The following CEP83 variants were observed in gnomAD, a reference collection of about 807,000 sequenced individuals.
The protein encoded by CEP83 is centrosomal protein of 83 kDa.
CEP83 carries 70 observed loss-of-function variants against 101.9 expected under a neutral mutation model. That is an observed-to-expected ratio of 0.69 (90% CI 0.57 to 0.84). The LOEUF (loss-of-function observed/expected upper bound fraction) is 0.84. CEP83 is among the 40% of genes least tolerant of loss of function. The probability of loss-of-function intolerance (pLI) is 0.00; values close to 1 mark genes in which losing one functional copy is unlikely to be tolerated. For missense variants in CEP83, 715 were observed against 787.2 expected (o/e 0.91, Z 1.10); for synonymous variants, 264 against 267.9 (o/e 0.99, Z 0.14).
rs149856098 is a variant in CEP83, at chr12:94,412,375, C to T, written c.116G>A (p.Arg39Lys). 34 of 1,613,226 alleles carry T rather than the reference C, an allele frequency of 2.1e-5. No individual in the cohort carries two copies. The highest frequency in any genetic ancestry group is 5.3e-5 in the African/African-American group (4 of 74,996). The change falls in exon 3 of 17, where the codon AGG (arginine) becomes AAG (lysine). Residue 39 changes from arginine (R) to lysine (K), a missense_variant. Transcript: ENST00000397809. ...AGCTTTATGATGCTCACATCGTAAC[C>T]TTTCATCAATTAACATTTTCTGGAA... ...SEFQKMLIDE[R>K]LRCEHHKANY... is the part of the protein sequence containing the mutation.
intron 4 of CEP83, among the ~76,000 whole-genome samples, chr12:94,403,929 A>T (rs1263970312): frequency 6.6e-6 from 1 of 152,126 alleles, no homozygotes; most frequent in Non-Finnish European, 1.5e-5. Flanking sequence ...TAATTTCTAT[A>T]AAAATGATAA....
intron 11 of CEP83, among the ~76,000 whole-genome samples, chr12:94,364,545 G>A (rs1160460876): frequency 6.6e-6 from 1 of 152,032 alleles, no homozygotes; most frequent in Non-Finnish European, 1.5e-5. Flanking sequence ...CAGGAGGATT[G>A]CTTGAGCTCA....
chr12:94,343,175 G>A (rs1290613748), intron 11 of CEP83, among the ~76,000 whole-genome samples: 7 of 151,252 alleles, frequency 4.6e-5, no homozygotes, highest in South Asian at 4.2e-4. Context: ...ATGTGTTTAC[G>A]TAACACAATA....
intron 2 of CEP83, among the ~76,000 whole-genome samples, chr12:94,414,807 GA>G (rs1312384402): frequency 6.6e-6 from 1 of 152,044 alleles, no homozygotes. Context: ...TTATTCTGTG[GA>G]AAAAATACAT....
intron 6 of CEP83, among the ~76,000 whole-genome samples, chr12:94,390,717 C>A (rs564431534): frequency 6.6e-6 from 1 of 152,096 alleles, no homozygotes; most frequent in Non-Finnish European, 1.5e-5. Context: ...CGCAAGGAAG[C>A]TAAGAACCTT....
downstream of CEP83, among the ~76,000 whole-genome samples, chr12:94,302,146 T>C (rs1330780153): frequency 3.9e-5 from 6 of 152,168 alleles, no homozygotes; most frequent in Non-Finnish European, 8.8e-5. Context: ...TATTTCCCAT[T>C]ACCTACCAGC....
the CEP83 span, among the ~76,000 whole-genome samples, chr12:94,266,593 G>T: frequency 2.8e-4 from 43 of 152,294 alleles, no homozygotes; most frequent in African/African-American, 9.4e-4. Context: ...ACAACTGTTG[G>T]TAGAGTGGTT....
Position 94,335,599 on chromosome 12 carries a change from T to C in CEP83, c.1409A>G (p.Asp470Gly). The change falls in exon 12 of 17, where the codon GAC becomes GGC. Residue 470 changes from aspartate (D) to glycine (G), a missense_variant. Asp to Gly is a moderately conservative substitution (Grantham distance 94). Coordinates refer to ENST00000397809, the MANE Select transcript of CEP83 (RefSeq NM_016122.3). ...TCGCTAAAATCATACCTGTTTTAGG[T>C]CAGAATTTTCATTTTTTTCCTTCTC... ...NAEKEKNENS[D>G]LKQQISSLQI... 6.4e-7 allele frequency: 1 copy of C among 1,570,152 alleles called. No individual in the cohort carries two copies. Among genetic ancestry groups the C allele is most frequent in the Admixed American group, 1.8e-5 (1 of 55,792 alleles).
At chr12:94,382,083 G>C (rs941970101) in intron 6 of CEP83, among the ~76,000 whole-genome samples, 1 of 152,032 alleles carries the variant, frequency 6.6e-6, no homozygotes, top group Admixed American at 6.6e-5. Flanking sequence ...TAAATGAGTT[G>C]TGGTCGTTTG....
chr12:94,355,706 G>T (rs566763222), intron 11 of CEP83, among the ~76,000 whole-genome samples: 1 of 152,198 alleles, frequency 6.6e-6, no homozygotes, highest in Non-Finnish European at 1.5e-5. Flanking sequence ...AAGGTTGTGG[G>T]TTTACAGGAA....
chr12:94,456,075 G>C (rs2067657263), intron 1 of CEP83, among the ~76,000 whole-genome samples: 1 of 151,288 alleles, frequency 6.6e-6, no homozygotes, highest in Non-Finnish European at 1.5e-5. Flanking sequence ...AAAAGAAATA[G>C]TACTAGACTT....
chr12:94,334,424 T>C (rs2136527555), intron 12 of CEP83, among the ~76,000 whole-genome samples: 1 of 152,262 alleles, frequency 6.6e-6, no homozygotes, highest in African/African-American at 2.4e-5. Flanking sequence ...CAAATCTCTT[T>C]ATTTGGGACA....
At chr12:94,423,347 G>A (rs1378164027) in intron 2 of CEP83, among the ~76,000 whole-genome samples, 1 of 151,878 alleles carries the variant, frequency 6.6e-6, no homozygotes, top group African/African-American at 2.4e-5. Flanking sequence ...GCCTCCCAAA[G>A]TACTGGGATT....
intron 6 of CEP83, among the ~76,000 whole-genome samples, chr12:94,383,629 C>A (rs1194762303): frequency 1.3e-5 from 2 of 152,000 alleles, no homozygotes; most frequent in African/African-American, 4.8e-5. Flanking sequence ...GTATTCAGAC[C>A]ATTTACATTT....
chr12:94,417,501 C>G (rs2064370301), intron 2 of CEP83, among the ~76,000 whole-genome samples: 2 of 152,180 alleles, frequency 1.3e-5, no homozygotes, highest in Admixed American at 6.5e-5. Flanking sequence ...TAGAGAACCA[C>G]TGGTCGGCCA....
chr12:94,344,998 TAG>T (rs534991252), intron 11 of CEP83, among the ~76,000 whole-genome samples: 121 of 151,994 alleles, frequency 8.0e-4, no homozygotes, highest in Admixed American at 2.6e-3. Context: ...AGTCCAGAAA[TAG>T]ACTCACACCT....
chr12:94,310,004 G>C lies in CEP83; in HGVS notation c.1915C>G (p.Pro639Ala), dbSNP rs112877562. ...FRSLILVPNM[P>A]PTASINPVSF... ...ACAGGATTGATAGATGCTGTTGGAG[G>C]CATGTTAGGAACCAAAATTAGACTT... is the stretch of plus-strand genomic sequence containing the variant. Residue 639 changes from proline (P) to alanine (A), a missense_variant, in exon 16 of 17, where the codon CCT becomes GCT. Pro to Ala is a conservative substitution (Grantham distance 27). Transcript: ENST00000397809. 1 of 1,612,278 alleles carries C rather than the reference G, an allele frequency of 6.2e-7. No homozygotes were observed. The highest frequency in any genetic ancestry group is 2.2e-5 in the East Asian group (1 of 44,814).
chr12:94,455,299 A>G (rs1328123286), intron 1 of CEP83, among the ~76,000 whole-genome samples: 1 of 152,224 alleles, frequency 6.6e-6, no homozygotes, highest in Non-Finnish European at 1.5e-5. Flanking sequence ...GAGGCTGAAT[A>G]TGAACATCAG....
At chr12:94,424,582 T>C (rs2065036033) in intron 2 of CEP83, 1 of 1,613,576 alleles carries the variant, frequency 6.2e-7, no homozygotes, top group Non-Finnish European at 8.5e-7. Context: ...CCTGTTCCTG[T>C]TGCTTTACCA....
Sources: gnomAD v4.1 joint callset for allele counts (sites outside exome capture counted in the v4.1 genomes callset) on GRCh38, gnomAD v4.1.1 for gene constraint, MANE v1.5 for transcripts, NCBI Gene and HGNC (gene_info 2026-07-23, HGNC 2026-07-21) for gene names.